Variants in WWOX observed in about 807,000 individuals in gnomAD.
WWOX encodes the protein WW domain containing oxidoreductase.
Under a neutral mutation model 46.2 loss-of-function variants are expected in WWOX, and 69 were observed. The ratio of observed to expected loss-of-function variants is 1.49; its 90% CI spans 1.23 to 1.82. WWOX has a LOEUF of 1.82. WWOX is among the 40% of genes most tolerant of loss of function. The pLI is 0.00. For synonymous variants in WWOX, 359 were observed against 202.6 expected (o/e 1.77, Z -6.56); for missense variants, 919 against 542.6 (o/e 1.69, Z -6.89).
chr16:78,670,851 G>A (rs1478987437), intron 8 of WWOX, among the ~76,000 whole-genome samples: 1 of 151,978 alleles, frequency 6.6e-6, no homozygotes, highest in South Asian at 2.1e-4. Context: ...AATAAAGATA[G>A]AGATGTGAAT....
At chr16:78,682,555 C>T (rs1396208329) in intron 8 of WWOX, among the ~76,000 whole-genome samples, 14 of 152,072 alleles carry the variant, frequency 9.2e-5, no homozygotes, top group Non-Finnish European at 1.8e-4. Flanking sequence ...GGCACTCCAG[C>T]CTGGGTGATA....
rs181240354 is a variant in WWOX, at chr16:78,629,989, T to C, written c.1056+197237T>C. 5.3e-5 allele frequency among the ~76,000 whole-genome samples: 8 copies of C among 152,324 alleles called. No homozygotes were observed. In the East Asian group the frequency reaches 1.5e-3, roughly 29 times the overall value. ...CAGCAACTGTATTTGTCCTCCCCAC[T>C]TCTCTTCCCTGCCTTCTTTTTTTCT... On this transcript the variant is annotated intron_variant, in intron 8 of 8. Coordinates refer to ENST00000566780, the MANE Select transcript of WWOX (RefSeq NM_016373.4).
At chr16:78,518,023 C>A (rs1372154239) in intron 8 of WWOX, among the ~76,000 whole-genome samples, 1 of 151,802 alleles carries the variant, frequency 6.6e-6, no homozygotes, top group Non-Finnish European at 1.5e-5. Flanking sequence ...CCAGCCCCCA[C>A]CTTCCTATGT....
At chr16:78,377,027 C>T (rs1198300792) in intron 5 of WWOX, among the ~76,000 whole-genome samples, 1 of 152,234 alleles carries the variant, frequency 6.6e-6, no homozygotes, top group African/African-American at 2.4e-5. Context: ...TGGAGCTACA[C>T]GTCTTTCTGA....
intron 8 of WWOX, among the ~76,000 whole-genome samples, chr16:79,064,217 C>CAT (rs1203519942): frequency 6.6e-6 from 1 of 152,174 alleles, no homozygotes; most frequent in African/African-American, 2.4e-5. Flanking sequence ...CTTTCACTGA[C>CAT]ATATACGAAG....
chr16:78,414,027 A>G (rs1007830706), intron 6 of WWOX, among the ~76,000 whole-genome samples: 4 of 151,910 alleles, frequency 2.6e-5, no homozygotes, highest in Admixed American at 2.0e-4. Context: ...ATGACATTCC[A>G]TCAGTGTGAT....
At chr16:78,335,269 C>T (rs2080862174) in intron 5 of WWOX, among the ~76,000 whole-genome samples, 1 of 152,194 alleles carries the variant, frequency 6.6e-6, no homozygotes, top group Non-Finnish European at 1.5e-5. Flanking sequence ...GCTGTTGTTG[C>T]TGATGCTCTT....
At chr16:79,193,365 C>T (rs77756825) in intron 8 of WWOX, among the ~76,000 whole-genome samples, 4 of 152,300 alleles carry the variant, frequency 2.6e-5, no homozygotes, top group Non-Finnish European at 2.9e-5. Context: ...AGACTTCAGT[C>T]GATGTAGGGC....
chr16:78,387,386 GAT>G (rs1266198916), intron 6 of WWOX, among the ~76,000 whole-genome samples: 1 of 152,174 alleles, frequency 6.6e-6, no homozygotes, highest in African/African-American at 2.4e-5. Flanking sequence ...TAAAGCCTTC[GAT>G]GATTTGATGT....
intron 8 of WWOX, among the ~76,000 whole-genome samples, chr16:78,669,377 G>C (rs1425538417): frequency 2.0e-5 from 3 of 152,228 alleles, no homozygotes; most frequent in African/African-American, 7.2e-5. Flanking sequence ...TAGAATGGTA[G>C]GATCCAGGGG....
At chr16:78,368,058 C>G (rs1267813699) in intron 5 of WWOX, among the ~76,000 whole-genome samples, 1 of 152,130 alleles carries the variant, frequency 6.6e-6, no homozygotes, top group Non-Finnish European at 1.5e-5. Flanking sequence ...TGCCCGGCTT[C>G]TGCCAGCTTC....
In WWOX at chr16:78,127,216, T is replaced by C. The variant is rs374616881; in HGVS notation, c.409+12062T>C. ...TCCTACTTTGCAAAGTTGTTAAAGA[T>C]GGGAACTCCAGAGTGCCCAGGGAAT... On this transcript the variant is annotated intron_variant, in intron 4 of 8. Transcript: ENST00000566780. Among the ~76,000 whole-genome samples, 219 of 152,282 alleles carry C rather than the reference T, an allele frequency of 1.4e-3. 7 individuals are homozygous for C. The South Asian group carries it at 0.041, about 28-fold the overall frequency.
intron 8 of WWOX, among the ~76,000 whole-genome samples, chr16:78,916,485 G>A (rs1000613985): frequency 1.3e-5 from 2 of 152,176 alleles, no homozygotes; most frequent in African/African-American, 4.8e-5. Flanking sequence ...CTGCTCTAAA[G>A]GGAAAAGCTT....
At chr16:79,180,110 G>A (rs1597451149) in intron 8 of WWOX, among the ~76,000 whole-genome samples, 1 of 152,052 alleles carries the variant, frequency 6.6e-6, no homozygotes, top group Non-Finnish European at 1.5e-5. Context: ...AAGAATCTTT[G>A]CTATGTTAGA....
intron 8 of WWOX, among the ~76,000 whole-genome samples, chr16:78,681,392 A>C (rs182859992): frequency 7.2e-5 from 11 of 152,288 alleles, no homozygotes; most frequent in Admixed American, 1.3e-4. Flanking sequence ...TGACAGAGCG[A>C]GACTCTGTCT....
At chr16:78,555,955 T>G (rs983178133) in intron 8 of WWOX, among the ~76,000 whole-genome samples, 14 of 152,274 alleles carry the variant, frequency 9.2e-5, no homozygotes, top group African/African-American at 3.1e-4. Context: ...TCGCTGCTTA[T>G]GAAATGCAAG....
rs182001042 is a variant in WWOX, at chr16:78,677,680, A to G, written c.1056+244928A>G. 2.5e-3 allele frequency among the ~76,000 whole-genome samples: 385 copies of G among 152,246 alleles called. 1 individual carries two copies. The highest frequency in any genetic ancestry group is 0.02 in the Middle Eastern group (6 of 294). Reference sequence around the variant, plus strand: ...GTGACTTTTTCCATCTCTGGTCTCTATCTTATCTCTTGTGATGAACTCAGG... The same window carrying G: ...GTGACTTTTTCCATCTCTGGTCTCTGTCTTATCTCTTGTGATGAACTCAGG... On this transcript the variant is annotated intron_variant, in intron 8 of 8. Coordinates refer to ENST00000566780, the MANE Select transcript of WWOX (RefSeq NM_016373.4).
intron 8 of WWOX, among the ~76,000 whole-genome samples, chr16:78,738,242 G>A (rs1008087868): frequency 6.6e-6 from 1 of 152,210 alleles, no homozygotes; most frequent in African/African-American, 2.4e-5. Context: ...TGCTGGAGTT[G>A]AGTAGATAAT....
intron 8 of WWOX, among the ~76,000 whole-genome samples, chr16:78,883,298 GA>G (rs775110017): frequency 2.6e-5 from 4 of 152,162 alleles, no homozygotes; most frequent in Non-Finnish European, 5.9e-5. Flanking sequence ...CAGTAACGTA[GA>G]GATGAAACCC....
Sources: allele counts gnomAD v4.1 joint callset (sites outside exome capture counted in the v4.1 genomes callset), GRCh38; gene constraint gnomAD v4.1.1; transcripts MANE v1.5; gene names NCBI Gene and HGNC (gene_info 2026-07-23, HGNC 2026-07-21).